The following SESN2 variants were observed in gnomAD, a reference collection of about 807,000 sequenced individuals.
SESN2 encodes the protein sestrin 2, also known as sestrin-2.
In SESN2, 42 loss-of-function variants were observed where a neutral mutation model predicts 56.0. The observed-to-expected ratio is 0.75, with a 90% CI of 0.59 to 0.97. The LOEUF (loss-of-function observed/expected upper bound fraction) is 0.97, where lower values mean the gene tolerates loss of function less well. Among genes scored for constraint, SESN2 ranks in the 50% least tolerant of loss-of-function variants. SESN2 has a pLI of 0.00. For missense variants in SESN2, 507 were observed against 649.4 expected (o/e 0.78, Z 2.38); for synonymous variants, 264 against 267.1 (o/e 0.99, Z 0.11).
At chr1:28,276,570 CTTTT>C (rs57474365) in intron 8 of SESN2, among the ~76,000 whole-genome samples, 9 of 94,730 alleles carry the variant, frequency 9.5e-5, no homozygotes, top group Admixed American at 2.1e-4. Context: ...TTTTTCTTTC[CTTTT>C]TTTTTTTTTT....
intron 8 of SESN2, among the ~76,000 whole-genome samples, chr1:28,278,223 C>T (rs1648117137): frequency 6.6e-6 from 1 of 152,186 alleles, no homozygotes; most frequent in African/African-American, 2.4e-5. Context: ...CTTCCATGGC[C>T]TTTACTACAG....
chr1:28,277,939 A>G (rs1295324672), intron 8 of SESN2, among the ~76,000 whole-genome samples: 1 of 151,986 alleles, frequency 6.6e-6, no homozygotes, highest in African/African-American at 2.4e-5. Context: ...GCTCTCCAAC[A>G]TGGTTCTTGC....
chr1:28,280,699 C>T lies in SESN2; in HGVS notation c.1357-17C>T. ...GGAGTGACATCAGTTGCCAACATGC[C>T]TTCCTCTGTGCCCCAGGTCCACGTG... On this transcript the variant is annotated splice_polypyrimidine_tract_variant and intron_variant, in intron 9 of 9. Coordinates refer to ENST00000253063, the MANE Select transcript of SESN2 (RefSeq NM_031459.5). The T allele has an allele frequency of 6.2e-7, 1 of 1,608,034 alleles. No homozygotes were observed. The highest frequency in any genetic ancestry group is 8.5e-7 in the Non-Finnish European group (1 of 1,175,954).
Position 28,259,846 on chromosome 1 carries a change from C to G in SESN2, c.-2C>G. On this transcript the variant is annotated 5_prime_UTR_variant, in exon 1 of 10. Coordinates refer to ENST00000253063, the MANE Select transcript of SESN2 (RefSeq NM_031459.5). ...AGCCGCGACCGGGTCCTGGCGCGCA[C>G]CATGATCGTGGCGGACTCCGAGTGC... 7.2e-7 allele frequency: 1 copy of G among 1,392,496 alleles called. No individual in the cohort carries two copies. The highest frequency in any genetic ancestry group is 1.6e-5 in the South Asian group (1 of 63,738). The allele number at this position is 1,392,496 out of a possible 1,614,324, so 86.3% of individuals were successfully genotyped here.
At chr1:28,275,839 A>G (rs1049740516) in intron 8 of SESN2, among the ~76,000 whole-genome samples, 1 of 152,146 alleles carries the variant, frequency 6.6e-6, no homozygotes, top group Non-Finnish European at 1.5e-5. Context: ...AGATTGCTTG[A>G]GACCAGGAGT....
At chr1:28,278,797 T>A (rs138831651) in intron 8 of SESN2, among the ~76,000 whole-genome samples, 7 of 152,356 alleles carry the variant, frequency 4.6e-5, no homozygotes, top group African/African-American at 1.4e-4. Flanking sequence ...GCAGATTGCA[T>A]ACACCATCCA....
chr1:28,274,854 G>A lies in SESN2; in HGVS notation c.1050G>A (p.Ser350=), dbSNP rs756590674. 231 of 1,613,888 alleles carry A rather than the reference G, an allele frequency of 1.4e-4. 1 individual carries two copies. The highest frequency in any genetic ancestry group is 2.5e-5 in the Non-Finnish European group (30 of 1,179,922). Residue 350 remains serine, a synonymous_variant, in exon 8 of 10, where the codon TCG becomes TCA. Coordinates refer to ENST00000253063, the MANE Select transcript of SESN2 (RefSeq NM_031459.5). ...ATACCTGGGAAGACCATGGCTACTC[G>A]CTGATCCAGCGGCTTTACCCTGAGG... ...QDYTWEDHGY[S]LIQRLYPEGG...
intron 1 of SESN2, among the ~76,000 whole-genome samples, chr1:28,260,911 A>C (rs1647353641): frequency 6.6e-6 from 1 of 152,100 alleles, no homozygotes; most frequent in South Asian, 2.1e-4. Flanking sequence ...TCAGGACTAA[A>C]CCAGCAATAC....
At chr1:28,279,649 G>A (rs1260203908) in intron 9 of SESN2, among the ~76,000 whole-genome samples, 5 of 151,794 alleles carry the variant, frequency 3.3e-5, no homozygotes, top group East Asian at 1.9e-4. Flanking sequence ...AAGTTCAAGC[G>A]ATTCTCCTGC....
At position 28,282,388 on chromosome 1, in the gene SESN2, G is replaced by C. The variant is rs1229624403; in HGVS notation, c.*1586G>C. On this transcript the variant is annotated 3_prime_UTR_variant, in exon 10 of 10. Transcript: ENST00000253063. The stretch of plus-strand genomic sequence containing the variant: ...CATGTGATGACTGTAAATGTTCACT[G>C]GGTGGGTAGGGAGTGGTATCCAGTG... 1 of 152,300 alleles carries C rather than the reference G, an allele frequency of 6.6e-6. No individual in the cohort carries two copies. The highest frequency in any genetic ancestry group is 1.5e-5 in the Non-Finnish European group (1 of 68,078). The allele number at this position is 152,300 out of a possible 1,614,324, so 9.4% of individuals were successfully genotyped here.
chr1:28,267,284 G>T (rs6672285), intron 1 of SESN2, among the ~76,000 whole-genome samples: 2 of 152,106 alleles, frequency 1.3e-5, no homozygotes, highest in East Asian at 1.9e-4. Context: ...GGGCCTGCAC[G>T]GTCAGCTCAA....
intron 8 of SESN2, 107 bp downstream of exon 8, chr1:28,275,122 G>A: frequency 2.5e-6 from 2 of 790,332 alleles, no homozygotes; most frequent in Non-Finnish European, 3.8e-6. Flanking sequence ...CTTTCTTCTT[G>A]CCTATACTGT....
chr1:28,263,370 CCACT>C (rs1220118534), intron 1 of SESN2, among the ~76,000 whole-genome samples: 2 of 152,172 alleles, frequency 1.3e-5, no homozygotes, highest in South Asian at 2.1e-4. Flanking sequence ...GTGTATGGCA[CCACT>C]CACTCACACC....
intron 1 of SESN2, among the ~76,000 whole-genome samples, chr1:28,260,837 TATCATTTATTATGC>T: frequency 6.6e-6 from 1 of 152,058 alleles, no homozygotes; most frequent in Non-Finnish European, 1.5e-5. Context: ...ATGGACATCT[TATCATTTATTATGC>T]ACCTACTAGA....
At chr1:28,275,907 T>G (rs1479783606) in intron 8 of SESN2, among the ~76,000 whole-genome samples, 1 of 151,552 alleles carries the variant, frequency 6.6e-6, no homozygotes, top group Admixed American at 6.6e-5. Context: ...ATTAAAAAAT[T>G]TGCCTGTGTG....
In SESN2 at chr1:28,259,684, GCGGCCGTTCT is replaced by G. The variant is rs1177655556; in HGVS notation, c.-160_-151del. ...ACTGGGGGAAGAGTCCAGCACCAAA[GCGGCCGTTCT>G]CGGATTCCGGAGCGTTCTGGAGCCC... On this transcript the variant is annotated 5_prime_UTR_variant, in exon 1 of 10. Transcript: ENST00000253063. 1.9e-6 allele frequency: 1 copy of G among 517,298 alleles called. No individual in the cohort carries two copies. The highest frequency in any genetic ancestry group is 2.0e-5 in the African/African-American group (1 of 49,460). The allele number at this position is 517,298 out of a possible 1,614,324, so 32.0% of individuals were successfully genotyped here. A position where few individuals can be genotyped will look rare whatever the true frequency, so the allele number is the denominator to read the frequency against.
chr1:28,275,165 C>T (rs559702198), intron 8 of SESN2, 150 bp downstream of exon 8: 63 of 591,854 alleles, frequency 1.1e-4, no homozygotes, highest in African/African-American at 1.0e-3. Flanking sequence ...TAAAAGATGA[C>T]AGTACTCATT....
intron 6 of SESN2, among the ~76,000 whole-genome samples, 166 bp from the exon 7 acceptor site, chr1:28,273,874 C>T (rs975187351): frequency 6.6e-6 from 1 of 152,170 alleles, no homozygotes; most frequent in Non-Finnish European, 1.5e-5. Flanking sequence ...GATCCACCCC[C>T]TCCCCAAGGC....
intron 6 of SESN2, 100 bp from the exon 7 acceptor site, chr1:28,273,935 TGGCCC>T: frequency 6.5e-6 from 5 of 766,208 alleles, no homozygotes; most frequent in Admixed American, 4.2e-5. Context: ...GGGCTTTTTT[TGGCCC>T]TCTATTCTGC....
Sources: gnomAD v4.1 joint callset for allele counts (sites outside exome capture counted in the v4.1 genomes callset) on GRCh38, gnomAD v4.1.1 for gene constraint, MANE v1.5 for transcripts, NCBI Gene and HGNC (gene_info 2026-07-23, HGNC 2026-07-21) for gene names.